Variants in COL16A1 observed in about 807,000 individuals in gnomAD.
The protein encoded by COL16A1 is collagen alpha-1(XVI) chain.
Under a neutral mutation model 266.3 loss-of-function variants are expected in COL16A1, and 189 were observed. The ratio of observed to expected loss-of-function variants is 0.71; its 90% confidence interval spans 0.63 to 0.80. COL16A1 has a LOEUF of 0.80. COL16A1 is among the 30% of genes least tolerant of loss of function. The pLI, the probability that COL16A1 is intolerant of heterozygous loss-of-function variation, is 0.00. For missense variants in COL16A1, 1,928 were observed against 2,122.4 expected, an observed-to-expected ratio of 0.91 and a Z score of 1.80; for synonymous variants, 740 against 782.3, an observed-to-expected ratio of 0.95 and a Z score of 0.90.
At chr1:31,683,818 T>C (rs974947019) in intron 33 of COL16A1, 70 bp from the exon 34 acceptor site, 2 of 1,610,924 alleles carry the variant, frequency 1.2e-6, no homozygotes, top group Non-Finnish European at 1.7e-6. Flanking sequence ...CCCCAGCCCC[T>C]TCTCCTCCAG....
Position 31,658,509 on chromosome 1 carries a change from G to A in COL16A1, c.3999C>T (p.Pro1333=). 6.2e-7 allele frequency: 1 copy of A among 1,604,528 alleles called. No individual in the cohort carries two copies. Among genetic ancestry groups the A allele is most frequent in the Non-Finnish European group, 8.5e-7 (1 of 1,176,584 alleles). ...GLAGLPGQPG[P]PGHPGPPGEP... is the part of the protein sequence containing the mutation. ...TTACTGGGGGGCCAGGGTGTCCAGG[G>A]GGGCCGGGCTGGCCTGGGAGGCCTG... The change falls in exon 64 of 71, where the codon CCC becomes CCT. Residue 1333 remains proline (P), a synonymous_variant. Transcript: ENST00000373672.
At chr1:31,679,243 C>T in intron 42 of COL16A1, 1 of 629,458 alleles carries the variant, frequency 1.6e-6, no homozygotes, top group Non-Finnish European at 2.6e-6. Flanking sequence ...TATTTTTAGC[C>T]ACTACTGTAT....
intron 10 of COL16A1, 128 bp from the exon 11 acceptor site, chr1:31,695,349 T>C (rs1644449480): frequency 5.5e-6 from 5 of 901,390 alleles, no homozygotes; most frequent in Admixed American, 4.1e-5. Flanking sequence ...AGCCTGAAGA[T>C]AGGAATCCTA....
Position 31,666,230 on chromosome 1 carries a change from G to A in COL16A1, c.3358-149C>T, listed in dbSNP as rs1642133367. 3 of 822,686 alleles carry A rather than the reference G, an allele frequency of 3.6e-6. No individual in the cohort carries two copies. The South Asian group carries it at 5.7e-5, about 16-fold the overall frequency. 51.0% of individuals were successfully genotyped at this position (822,686 alleles called of 1,614,324 possible). A position where few individuals can be genotyped will look rare whatever the true frequency, so the allele number is the denominator to read the frequency against. ...GGCCCCCTCTGCCTGATCTGCTCAG[G>A]CTTCCCTGCTCTTGCCCGAGCTACT... On this transcript the variant is annotated intron_variant, in intron 52 of 70. Transcript: ENST00000373672.
rs1031434237 is a variant in COL16A1, at chr1:31,701,403, C to G, written c.73+718G>C. ...CACACTCACCCTGGGTCCACAATCC[C>G]TTTCACCTCAGCTTCTTGGTTTTTC... On this transcript the variant is annotated intron_variant, in intron 2 of 70. Transcript: ENST00000373672. The G allele has an allele frequency of 3.0e-6, 3 of 985,420 alleles. No homozygotes were observed. In the African/African-American group the frequency reaches 5.2e-5, roughly 17 times the overall value. 61.0% of individuals were successfully genotyped at this position (985,420 alleles called of 1,614,324 possible). A position where few individuals can be genotyped will look rare whatever the true frequency, so the allele number is the denominator to read the frequency against.
intron 51 of COL16A1, 72 bp from the exon 52 acceptor site, chr1:31,667,700 G>A (rs1000481120): frequency 6.4e-5 from 90 of 1,403,566 alleles, no homozygotes; most frequent in East Asian, 2.5e-4. Flanking sequence ...TGCGAGGAGC[G>A]GAGACTGCAG....
At position 31,692,026 on chromosome 1, in the gene COL16A1, C is replaced by G; in HGVS notation, c.1236G>C (p.Val412=). ...GEKGDGGIKG[V]PGKPGRDGRP... is the part of the protein sequence containing the mutation. ...CTACGTCCCGGCCTGGCTTTCCCGG[C>G]ACGCCCTTGATGCCTCCGTCGCCCT... The change falls in exon 17 of 71, where the codon GTG becomes GTC. Residue 412 remains valine (V), a synonymous_variant. Coordinates refer to ENST00000373672, the MANE Select transcript of COL16A1 (RefSeq NM_001856.4). 1 of 1,613,922 alleles carries G rather than the reference C, an allele frequency of 6.2e-7. No individual in the cohort carries two copies. Among genetic ancestry groups the G allele is most frequent in the Non-Finnish European group, 8.5e-7 (1 of 1,180,000 alleles).
chr1:31,699,198 G>A (rs924232638), intron 4 of COL16A1, among the ~76,000 whole-genome samples: 5 of 152,200 alleles, frequency 3.3e-5, no homozygotes, highest in East Asian at 1.9e-4. Flanking sequence ...GAGCCTTCAC[G>A]TCTGATGGGG....
chr1:31,690,274 A>G (rs1557680105), intron 22 of COL16A1, 93 bp downstream of exon 22: 1 of 1,574,094 alleles, frequency 6.4e-7, no homozygotes, highest in South Asian at 1.2e-5. Context: ...AAGGTCCAGC[A>G]CCCCTAGGCC....
At chr1:31,669,634 T>A (rs1178415333) in intron 49 of COL16A1, among the ~76,000 whole-genome samples, 1 of 151,284 alleles carries the variant, frequency 6.6e-6, no homozygotes, top group East Asian at 2.0e-4. Flanking sequence ...CGGCCACAGA[T>A]GAGGACGTGG....
At chr1:31,679,537 G>T in intron 42 of COL16A1, 95 bp downstream of exon 42, 1 of 1,613,994 alleles carries the variant, frequency 6.2e-7, no homozygotes, top group Non-Finnish European at 8.5e-7. Context: ...TGTTTTTGGG[G>T]TGGGGGAGCA....
chr1:31,653,588 G>T lies in COL16A1; in HGVS notation c.4612+11C>A. On this transcript the variant is annotated intron_variant, in intron 70 of 70. Transcript: ENST00000373672. ...TCTGGATTCATGGTCTCAAATGGTG[G>T]TATTTCCTACCTGGGGGGCCGGGAA... 1 of 1,612,670 alleles carries T rather than the reference G, an allele frequency of 6.2e-7. No individual in the cohort carries two copies. Among genetic ancestry groups the T allele is most frequent in the Non-Finnish European group, 8.5e-7 (1 of 1,179,306 alleles).
Position 31,698,459 on chromosome 1 carries a change from A to T in COL16A1, c.390+24T>A. 1 of 1,613,794 alleles carries T rather than the reference A, an allele frequency of 6.2e-7. No homozygotes were observed. Among genetic ancestry groups the T allele is most frequent in the Non-Finnish European group, 8.5e-7 (1 of 1,179,826 alleles). On this transcript the variant is annotated intron_variant, in intron 5 of 70. Coordinates refer to ENST00000373672, the MANE Select transcript of COL16A1 (RefSeq NM_001856.4). This position sits in a 1 kb window ranked among gnomAD's most constrained non-coding sequence, Gnocchi z 4.1. ...GGTGCTACCCAATGCCCTAAGAGGC[A>T]ATCAGGGCACAGGGGAGGTTCACCT...
In COL16A1 at chr1:31,690,498, G is replaced by A. The variant is rs147989696; in HGVS notation, c.1482+31C>T. The A allele has an allele frequency of 5.0e-5, 81 of 1,614,070 alleles. No homozygotes were observed. In the African/African-American group the frequency reaches 5.3e-4, roughly 11 times the overall value. ...TCCCTCCAGAGGCCTTGGAAGAGCC[G>A]ACCCTCCCCCGCTGGATTGGTGTCA... On this transcript the variant is annotated intron_variant, in intron 21 of 70. Transcript: ENST00000373672.
Position 31,689,739 on chromosome 1 carries a change from A to G in COL16A1, c.1620+2T>C. The G allele has an allele frequency of 6.2e-7, 1 of 1,613,016 alleles. No homozygotes were observed. The highest frequency in any genetic ancestry group is 2.2e-5 in the East Asian group (1 of 44,878). On this transcript the variant is annotated splice_donor_variant, in intron 23 of 70. Coordinates refer to ENST00000373672, the MANE Select transcript of COL16A1 (RefSeq NM_001856.4). LOFTEE classifies it high-confidence loss of function. ...CCCTCAATGGTCACCCTGGGCACTC[A>G]CCCTGGCTGGTACAGGATCACCAGG...
intron 2 of COL16A1, among the ~76,000 whole-genome samples, chr1:31,700,813 C>A (rs1004745502): frequency 3.3e-5 from 5 of 152,214 alleles, no homozygotes; most frequent in African/African-American, 9.6e-5. Flanking sequence ...GAGGGGACCA[C>A]AAGCTCAAGG....
Position 31,670,704 on chromosome 1 carries a change from G to A in COL16A1, c.3151-58C>T. On this transcript the variant is annotated intron_variant, in intron 48 of 70. Transcript: ENST00000373672. This position sits in a 1 kb window ranked among gnomAD's most constrained non-coding sequence, Gnocchi z 4.5. ...AGGCACAGTAACCCTGGGACAGCCT[G>A]GAGGGCACAGTCTGGGGCTTGGGGG... The A allele has an allele frequency of 7.3e-7, 1 of 1,375,490 alleles. No individual in the cohort carries two copies. The highest frequency in any genetic ancestry group is 1.7e-5 in the South Asian group (1 of 60,058). 85.2% of individuals were successfully genotyped at this position (1,375,490 alleles called of 1,614,324 possible). A position where few individuals can be genotyped will look rare whatever the true frequency, so the allele number is the denominator to read the frequency against.
intron 44 of COL16A1, among the ~76,000 whole-genome samples, chr1:31,673,809 T>G (rs1203121593): frequency 2.0e-5 from 3 of 152,238 alleles, no homozygotes; most frequent in Non-Finnish European, 4.4e-5. Flanking sequence ...GGACTATGGG[T>G]GCAGGTGGTG....
chr1:31,703,639 ACGGCT>A (rs1382913303), intron 1 of COL16A1, among the ~76,000 whole-genome samples, 193 bp downstream of exon 1: 34 of 152,088 alleles, frequency 2.2e-4, no homozygotes, highest in Admixed American at 2.2e-3. Flanking sequence ...TTCCAAGGAG[ACGGCT>A]CACCCCAACA....
Sources: gnomAD v4.1 joint callset for allele counts (sites outside exome capture counted in the v4.1 genomes callset) on GRCh38, gnomAD v4.1.1 for gene constraint, Gnocchi (gnomAD v3.1) non-coding constraint, MANE v1.5 for transcripts, NCBI Gene and HGNC (gene_info 2026-07-23, HGNC 2026-07-21) for gene names.